The following DHX32 variants were observed in gnomAD, a reference collection of about 807,000 sequenced individuals.
DHX32 encodes the protein putative pre-mRNA-splicing factor ATP-dependent RNA helicase DHX32.
A neutral mutation model predicts 70.0 loss-of-function variants in DHX32; 51 were observed. That is an observed-to-expected ratio of 0.73 (90% CI 0.58 to 0.92). The LOEUF is 0.92. DHX32 is among the 40% of genes least tolerant of loss of function. The pLI is 0.00. For missense variants in DHX32, 762 were observed against 891.8 expected (o/e 0.85, Z 1.85); for synonymous variants, 310 against 315.3 (o/e 0.98, Z 0.18).
At chr10:125,894,700 C>T (rs1484828282) in intron 1 of DHX32, among the ~76,000 whole-genome samples, 4 of 152,234 alleles carry the variant, frequency 2.6e-5, no homozygotes, top group Admixed American at 2.0e-4. Context: ...AATACTAATG[C>T]TAATCCTTTA....
upstream of DHX32, chr10:125,881,421 A>C (rs1309524699): frequency 6.6e-6 from 1 of 152,340 alleles, no homozygotes; most frequent in Non-Finnish European, 1.5e-5. Flanking sequence ...ACCTAATCCC[A>C]TGTCAAAAGA....
chr10:125,885,910 C>CA (rs1354940391), upstream of DHX32, among the ~76,000 whole-genome samples: 3 of 152,240 alleles, frequency 2.0e-5, no homozygotes, highest in Non-Finnish European at 4.4e-5. Context: ...AGCCTGCAGT[C>CA]AGAGTCATCC....
At chr10:125,860,405 A>G (rs973728189) in intron 2 of DHX32, among the ~76,000 whole-genome samples, 2 of 152,240 alleles carry the variant, frequency 1.3e-5, no homozygotes, top group African/African-American at 4.8e-5. Flanking sequence ...GAAAGGATAC[A>G]AGAATAACCA....
chr10:125,883,240 A>T (rs143489375), upstream of DHX32, among the ~76,000 whole-genome samples: 47 of 152,292 alleles, frequency 3.1e-4, no homozygotes, highest in Middle Eastern at 3.4e-3. Flanking sequence ...CATTAGCCTT[A>T]ACCACTTCTC....
At chr10:125,858,059 C>T (rs965820772) in intron 3 of DHX32, among the ~76,000 whole-genome samples, 20 of 151,918 alleles carry the variant, frequency 1.3e-4, no homozygotes, top group African/African-American at 4.6e-4. Context: ...GCCACCATGC[C>T]TGGCTAATTT....
chr10:125,840,278 A>G (rs1854834839), intron 8 of DHX32, among the ~76,000 whole-genome samples: 3 of 152,100 alleles, frequency 2.0e-5, no homozygotes, highest in African/African-American at 7.2e-5. Context: ...ACTGCCCTTC[A>G]GGCATACAAA....
In DHX32 at chr10:125,836,840, T is replaced by C; in HGVS notation, c.2079A>G (p.Val693=). 4 of 1,614,126 alleles carry C rather than the reference T, an allele frequency of 2.5e-6. No homozygotes were observed. The South Asian group carries it at 4.4e-5, about 18-fold the overall frequency. ...GCAGATTACTGAAATAGTATTGTGG[T>C]ACCAGCTGCATAAATCTGTTTATTT... ...EISPELFMQL[V]PQYYFSNLPP... The change falls in exon 11 of 11, where the codon GTA becomes GTG. Residue 693 remains valine (V), a synonymous_variant. Transcript: ENST00000284690.
intron 4 of DHX32, 25 bp downstream of exon 4, chr10:125,853,936 G>A (rs188031205): frequency 6.2e-7 from 1 of 1,609,042 alleles, no homozygotes; most frequent in East Asian, 2.2e-5. Flanking sequence ...TCAGCAGTCT[G>A]TTTAGCCTAC....
chr10:125,869,490 C>G (rs1016327843), intron 1 of DHX32: 1 of 152,084 alleles, frequency 6.6e-6, no homozygotes, highest in South Asian at 2.1e-4. Flanking sequence ...GCAGGAGAAT[C>G]GCTTAAACCT....
intron 1 of DHX32, chr10:125,896,169 C>T (rs1478654662): frequency 5.8e-4 from 90 of 154,444 alleles, no homozygotes; most frequent in Non-Finnish European, 1.0e-3. Flanking sequence ...GGCGCGCCCG[C>T]CCCTGCGCCG....
intron 1 of DHX32, among the ~76,000 whole-genome samples, chr10:125,894,020 T>C (rs1944386835): frequency 6.6e-6 from 1 of 152,298 alleles, no homozygotes; most frequent in African/African-American, 2.4e-5. Context: ...TGCTTCAGTT[T>C]GCTACATTTA....
intron 1 of DHX32, among the ~76,000 whole-genome samples, chr10:125,893,066 A>G (rs1944380759): frequency 6.6e-6 from 1 of 152,264 alleles, no homozygotes; most frequent in Admixed American, 6.5e-5. Context: ...TACAAGATCC[A>G]TCCATATGAG....
In DHX32 at chr10:125,845,923, G is replaced by A. The variant is rs555487710; in HGVS notation, c.1352-3989C>T. ...GCCCGTGACATGGAAGGAAACACAC[G>A]CAGACCTTTGACAGCCACAGGCACC... On this transcript the variant is annotated intron_variant, in intron 6 of 10. Coordinates refer to ENST00000284690, the MANE Select transcript of DHX32 (RefSeq NM_018180.3). Among the ~76,000 whole-genome samples the A allele has an allele frequency of 4.2e-4, 64 of 152,286 alleles. No homozygotes were observed. The South Asian group carries it at 9.1e-3, about 22-fold the overall frequency.
chr10:125,889,350 C>T (rs4995389), intron 1 of DHX32, among the ~76,000 whole-genome samples: 18 of 152,166 alleles, frequency 1.2e-4, no homozygotes, highest in Non-Finnish European at 2.2e-4. Flanking sequence ...AATATACTTA[C>T]ACTCTATTTT....
intron 2 of DHX32, among the ~76,000 whole-genome samples, chr10:125,864,165 C>T (rs1182306315): frequency 5.3e-5 from 8 of 152,152 alleles, no homozygotes; most frequent in Non-Finnish European, 1.2e-4. Context: ...TTTCCTGTGA[C>T]TCAAACACTG....
At chr10:125,867,458 C>T (rs187605636) in intron 1 of DHX32, among the ~76,000 whole-genome samples, 30 of 152,184 alleles carry the variant, frequency 2.0e-4, no homozygotes, top group East Asian at 1.5e-3. Context: ...AAGGACAGGC[C>T]GGGTGTGGTG....
chr10:125,840,316 G>A (rs755091136), intron 8 of DHX32, among the ~76,000 whole-genome samples: 37 of 152,266 alleles, frequency 2.4e-4, no homozygotes, highest in Non-Finnish European at 2.9e-4. Context: ...TTTGACATGC[G>A]CCATTCTCTT....
chr10:125,891,038 A>G (rs1024195279), intron 1 of DHX32, among the ~76,000 whole-genome samples: 8 of 152,212 alleles, frequency 5.3e-5, no homozygotes, highest in Non-Finnish European at 1.2e-4. Context: ...CTCCCTACAA[A>G]TAAGTTTCTA....
rs1854766607 is a variant in DHX32 at position 125,838,358 on chromosome 10, G to A, written c.1911C>T (p.Asn637=). The part of the protein sequence containing the change: ...QIARDVDGSG[N]YLMLTHKQVA... Reference sequence around the variant, plus strand: ...CCTGCTTATGTGTCAGCATTAAGTAGTTACCTGATCCATCAACATCCCGAG... The same window carrying A: ...CCTGCTTATGTGTCAGCATTAAGTAATTACCTGATCCATCAACATCCCGAG... Residue 637 remains asparagine (N), a synonymous_variant, in exon 10 of 11, where the codon AAC becomes AAT. Transcript: ENST00000284690. 11 of 1,601,492 alleles carry A rather than the reference G, an allele frequency of 6.9e-6. No homozygotes were observed. Among genetic ancestry groups the A allele is most frequent in the Non-Finnish European group, 8.5e-6 (10 of 1,176,852 alleles).
Sources: gnomAD v4.1 joint callset for allele counts (sites outside exome capture counted in the v4.1 genomes callset) on GRCh38, gnomAD v4.1.1 for gene constraint, MANE v1.5 for transcripts, NCBI Gene and HGNC (gene_info 2026-07-23, HGNC 2026-07-21) for gene names.